Variants in NRG3 observed in about 807,000 individuals in gnomAD.
NRG3 encodes neuregulin 3, also known as pro-neuregulin-3, membrane-bound isoform.
Under a neutral mutation model 66.9 loss-of-function variants are expected in NRG3, and 31 were observed. That is an observed-to-expected ratio of 0.46 (90% CI 0.35 to 0.63). The LOEUF is 0.63. NRG3 is among the 20% of genes least tolerant of loss of function. The pLI is 0.00. For synonymous variants in NRG3, 393 were observed against 359.4 expected (o/e 1.09, Z -1.06); for missense variants, 910 against 878.9 (o/e 1.04, Z -0.45).
At chr10:82,424,685 TTTG>T (rs2089303989) in intron 2 of NRG3, among the ~76,000 whole-genome samples, 1 of 152,032 alleles carries the variant, frequency 6.6e-6, no homozygotes, top group Non-Finnish European at 1.5e-5. Flanking sequence ...TTGCTGACCT[TTTG>T]TTGTTATTTC....
chr10:82,569,814 T>C (rs1346665760), intron 2 of NRG3, among the ~76,000 whole-genome samples: 2 of 151,674 alleles, frequency 1.3e-5, no homozygotes, highest in Non-Finnish European at 3.0e-5. Context: ...AGATCTCTCA[T>C]ATGAGTGATA....
intron 2 of NRG3, among the ~76,000 whole-genome samples, chr10:82,481,093 T>C (rs1842229685): frequency 6.6e-6 from 1 of 152,208 alleles, no homozygotes; most frequent in South Asian, 2.1e-4. Context: ...CTTGCTGTCA[T>C]TCCCAGCTAC....
chr10:82,091,716 T>C (rs1009633246), intron 1 of NRG3, among the ~76,000 whole-genome samples: 1 of 152,194 alleles, frequency 6.6e-6, no homozygotes, highest in African/African-American at 2.4e-5. Flanking sequence ...CTATTTTTAG[T>C]GTTTTTGAGG....
chr10:82,449,849 T>C (rs915235084), intron 2 of NRG3, among the ~76,000 whole-genome samples: 1 of 152,108 alleles, frequency 6.6e-6, no homozygotes, highest in Admixed American at 6.6e-5. Flanking sequence ...ATCAAAACAA[T>C]AACTCATTCA....
intron 1 of NRG3, among the ~76,000 whole-genome samples, chr10:82,044,990 A>C (rs933472127): frequency 1.3e-5 from 2 of 151,642 alleles, no homozygotes; most frequent in African/African-American, 4.8e-5. Context: ...GGTTGGTTCC[A>C]AGTCTTTGCT....
In NRG3 at chr10:82,836,721, A is replaced by T. The variant is rs1422979455; in HGVS notation, c.1028-28690A>T. On this transcript the variant is annotated intron_variant, in intron 3 of 8. Transcript: ENST00000372141. Reference sequence around the variant, plus strand: ...TTTTTTTATTTTATTTTATTTTTTTATTTTTATTTTTTCTAATTTTTTTTA... The same window carrying T: ...TTTTTTTATTTTATTTTATTTTTTTTTTTTTATTTTTTCTAATTTTTTTTA... 4.0e-5 allele frequency among the ~76,000 whole-genome samples: 6 copies of T among 150,450 alleles called. No homozygotes were observed. The South Asian group carries it at 1.0e-3, about 26-fold the overall frequency.
intron 3 of NRG3, among the ~76,000 whole-genome samples, chr10:82,780,037 C>T (rs1273981798): frequency 6.6e-6 from 1 of 152,128 alleles, no homozygotes; most frequent in African/African-American, 2.4e-5. Flanking sequence ...CATGTTCCTG[C>T]AAAGGACATG....
At chr10:82,217,027 T>C (rs1409343120) in intron 1 of NRG3, among the ~76,000 whole-genome samples, 1 of 152,248 alleles carries the variant, frequency 6.6e-6, no homozygotes, top group Non-Finnish European at 1.5e-5. Context: ...GGAATTTAGA[T>C]AATTGTTTCA....
chr10:82,649,733 C>T (rs1259144897), intron 2 of NRG3, among the ~76,000 whole-genome samples: 2 of 152,014 alleles, frequency 1.3e-5, no homozygotes, highest in Non-Finnish European at 2.9e-5. Flanking sequence ...GGATTATAGG[C>T]ATGAGCCACT....
chr10:82,628,050 G>C (rs1238085816), intron 2 of NRG3, among the ~76,000 whole-genome samples: 1 of 152,124 alleles, frequency 6.6e-6, no homozygotes, highest in African/African-American at 2.4e-5. Context: ...CTTGCCCAAG[G>C]TCACAGCTAG....
intron 1 of NRG3, among the ~76,000 whole-genome samples, chr10:82,347,858 A>C (rs529349152): frequency 6.6e-6 from 1 of 151,906 alleles, no homozygotes; most frequent in East Asian, 1.9e-4. Context: ...TGCTGGTTTA[A>C]AGTCTGTTTT....
intron 1 of NRG3, among the ~76,000 whole-genome samples, chr10:82,098,102 C>T (rs2066475009): frequency 6.6e-6 from 1 of 150,486 alleles, no homozygotes; most frequent in Admixed American, 6.6e-5. Context: ...ATATATGTCT[C>T]ATATATAGAT....
intron 1 of NRG3, among the ~76,000 whole-genome samples, chr10:81,904,263 GC>G (rs1427591142): frequency 6.6e-6 from 1 of 152,054 alleles, no homozygotes; most frequent in African/African-American, 2.4e-5. Flanking sequence ...GCCCGCCTCA[GC>G]CTCCCAAACT....
chr10:82,059,145 G>A (rs1488258138), intron 1 of NRG3, among the ~76,000 whole-genome samples: 2 of 152,204 alleles, frequency 1.3e-5, no homozygotes, highest in Non-Finnish European at 2.9e-5. Flanking sequence ...AATTGTGGAT[G>A]TTTTATTGAG....
At chr10:82,476,187 A>T (rs1212125652) in intron 2 of NRG3, among the ~76,000 whole-genome samples, 1 of 152,198 alleles carries the variant, frequency 6.6e-6, no homozygotes, top group Non-Finnish European at 1.5e-5. Context: ...AGCAAAACAG[A>T]CAAAACAACA....
intron 1 of NRG3, among the ~76,000 whole-genome samples, chr10:81,954,137 T>C (rs1264570055): frequency 6.6e-6 from 1 of 152,196 alleles, no homozygotes; most frequent in African/African-American, 2.4e-5. Context: ...TGGAACATTT[T>C]GAATTCATTG....
At chr10:82,040,482 T>C (rs1039263638) in intron 1 of NRG3, among the ~76,000 whole-genome samples, 1 of 151,098 alleles carries the variant, frequency 6.6e-6, no homozygotes, top group East Asian at 2.0e-4. Context: ...AACTGAAAAA[T>C]CTCTCTCTTG....
intron 1 of NRG3, among the ~76,000 whole-genome samples, chr10:82,153,285 A>T (rs2070917959): frequency 6.6e-6 from 1 of 152,228 alleles, no homozygotes; most frequent in South Asian, 2.1e-4. Context: ...TTCTACATGT[A>T]AGTGAAATCA....
intron 2 of NRG3, among the ~76,000 whole-genome samples, chr10:82,517,408 T>C (rs1845761987): frequency 6.6e-6 from 1 of 152,202 alleles, no homozygotes; most frequent in African/African-American, 2.4e-5. Context: ...ATTTACTGAA[T>C]GTAAGTATTC....
Sources: gnomAD v4.1 joint callset for allele counts (sites outside exome capture counted in the v4.1 genomes callset) on GRCh38, gnomAD v4.1.1 for gene constraint, MANE v1.5 for transcripts, NCBI Gene and HGNC (gene_info 2026-07-23, HGNC 2026-07-21) for gene names.